Variants in PRIM2 observed in about 807,000 individuals in gnomAD.
PRIM2 encodes DNA primase large subunit.
In PRIM2, 39 loss-of-function variants were observed where a neutral mutation model predicts 67.3. The observed-to-expected ratio is 0.58, with a 90% CI of 0.45 to 0.76. PRIM2 has a LOEUF of 0.76. Among genes scored for constraint, PRIM2 ranks in the 30% least tolerant of loss-of-function variants. The pLI, the probability that PRIM2 is intolerant of heterozygous loss-of-function variation, is 0.00. For missense variants in PRIM2, 398 were observed against 598.7 expected (o/e 0.66, Z 3.50); for synonymous variants, 143 against 198.7 (o/e 0.72, Z 2.36).
chr6:57,637,649 A>C (rs1777148674), intron 13 of PRIM2, among the ~76,000 whole-genome samples: 1 of 152,180 alleles, frequency 6.6e-6, no homozygotes, highest in Non-Finnish European at 1.5e-5. Context: ...GGAAGAACAG[A>C]TATCAGAGAT....
chr6:57,464,532 C>A (rs1313570990), intron 7 of PRIM2, among the ~76,000 whole-genome samples: 3 of 152,152 alleles, frequency 2.0e-5, no homozygotes, highest in Non-Finnish European at 4.4e-5. Flanking sequence ...ACCTCGACCC[C>A]CCAGTGTGTT....
chr6:57,521,915 AT>A (rs1393664577), intron 8 of PRIM2, among the ~76,000 whole-genome samples: 2 of 151,560 alleles, frequency 1.3e-5, no homozygotes, highest in Non-Finnish European at 2.9e-5. Context: ...CTGGCTTAGG[AT>A]TTTGCTGTAA....
chr6:57,341,438 A>T (rs1387069393), intron 5 of PRIM2, among the ~76,000 whole-genome samples: 2 of 152,196 alleles, frequency 1.3e-5, no homozygotes, highest in Non-Finnish European at 2.9e-5. Context: ...TTCCCGTGAT[A>T]GTCTGCAATC....
At chr6:57,448,378 G>C (rs1203687438) in intron 7 of PRIM2, among the ~76,000 whole-genome samples, 1 of 152,162 alleles carries the variant, frequency 6.6e-6, no homozygotes, top group Non-Finnish European at 1.5e-5. Context: ...GGGGGAGGCA[G>C]TTCAAAGGAA....
At chr6:57,547,781 A>G in intron 10 of PRIM2, among the ~76,000 whole-genome samples, 1 of 152,226 alleles carries the variant, frequency 6.6e-6, no homozygotes, top group Non-Finnish European at 1.5e-5. Flanking sequence ...TGGGTCAAGG[A>G]ACATTTAGCA....
chr6:57,315,709 G>A (rs954233118), upstream of PRIM2, among the ~76,000 whole-genome samples: 1 of 152,024 alleles, frequency 6.6e-6, no homozygotes, highest in African/African-American at 2.4e-5. Context: ...CCTTTTCGAT[G>A]TTATACTTTT....
At chr6:57,226,729 A>G in the PRIM2 span, among the ~76,000 whole-genome samples, 30 of 152,330 alleles carry the variant, frequency 2.0e-4, no homozygotes, top group African/African-American at 6.7e-4. Context: ...GGTTCAGGCA[A>G]GAGATGATGG....
the PRIM2 span, among the ~76,000 whole-genome samples, chr6:57,226,312 G>A: frequency 1.3e-5 from 2 of 152,196 alleles, no homozygotes; most frequent in South Asian, 2.1e-4. Context: ...ACCAAGGGAA[G>A]GCCTTTCTGA....
the PRIM2 span, among the ~76,000 whole-genome samples, chr6:57,271,783 C>G: frequency 6.6e-6 from 1 of 152,222 alleles, no homozygotes; most frequent in Non-Finnish European, 1.5e-5. Flanking sequence ...AAATTTCCTT[C>G]TACACACTGC....
At chr6:57,543,701 G>A (rs1473425674) in intron 10 of PRIM2, among the ~76,000 whole-genome samples, 15,017 of 152,088 alleles carry the variant, frequency 0.099, 919 homozygotes, top group African/African-American at 0.17. Context: ...TGCCTGATCG[G>A]TATCTGTCTC....
At chr6:57,484,216 T>G (rs1773693980) in intron 7 of PRIM2, among the ~76,000 whole-genome samples, 1 of 152,210 alleles carries the variant, frequency 6.6e-6, no homozygotes, top group Non-Finnish European at 1.5e-5. Context: ...ACATGGAACA[T>G]TAAAACCATG....
chr6:57,381,559 A>C (rs1769961321), intron 6 of PRIM2, among the ~76,000 whole-genome samples: 1 of 151,236 alleles, frequency 6.6e-6, no homozygotes, highest in Admixed American at 6.6e-5. Flanking sequence ...TAGCTTTTTC[A>C]GTATATTTCT....
At chr6:57,241,839 A>AT in the PRIM2 span, among the ~76,000 whole-genome samples, 2 of 148,308 alleles carry the variant, frequency 1.3e-5, no homozygotes, top group Non-Finnish European at 3.0e-5. Context: ...CGCCTGGCTA[A>AT]TTTTTTGTAT....
At chr6:57,306,745 A>C in the PRIM2 span, among the ~76,000 whole-genome samples, 5 of 152,210 alleles carry the variant, frequency 3.3e-5, no homozygotes, top group Non-Finnish European at 5.9e-5. Flanking sequence ...CCACCTGTGC[A>C]TCTTCTTTCT....
intron 7 of PRIM2, among the ~76,000 whole-genome samples, chr6:57,487,207 A>C (rs1773774492): frequency 6.6e-6 from 1 of 152,200 alleles, no homozygotes; most frequent in African/African-American, 2.4e-5. Flanking sequence ...CTTCAAGTTT[A>C]CCATCTTCTA....
chr6:57,440,268 T>A (rs1772161392), intron 7 of PRIM2, among the ~76,000 whole-genome samples: 2 of 151,564 alleles, frequency 1.3e-5, no homozygotes, highest in Non-Finnish European at 2.9e-5. Context: ...AAATCCACAT[T>A]TTCTTTCTGT....
chr6:57,264,334 C>T, the PRIM2 span, among the ~76,000 whole-genome samples: 2 of 152,090 alleles, frequency 1.3e-5, no homozygotes, highest in Non-Finnish European at 2.9e-5. Flanking sequence ...TTAGTGGTAG[C>T]TTTCTTGCTT....
At chr6:57,471,648 A>G (rs1773339859) in intron 7 of PRIM2, among the ~76,000 whole-genome samples, 1 of 152,238 alleles carries the variant, frequency 6.6e-6, no homozygotes, top group South Asian at 2.1e-4. Context: ...GGGCAGATCA[A>G]GTGGCGTTTA....
chr6:57,304,029 A>C, the PRIM2 span, among the ~76,000 whole-genome samples: 354 of 152,262 alleles, frequency 2.3e-3, 1 homozygote, highest in Non-Finnish European at 4.3e-3. Context: ...TATAACCCAC[A>C]ATCTTTGATC....
Sources: allele counts gnomAD v4.1 joint callset (sites outside exome capture counted in the v4.1 genomes callset), GRCh38; gene constraint gnomAD v4.1.1; transcripts MANE v1.5; gene names NCBI Gene and HGNC (gene_info 2026-07-23, HGNC 2026-07-21).